DMXL2: variants seen among roughly 807,000 people sequenced by gnomAD.
DMXL2 encodes Dmx like 2, also known as dmX-like protein 2.
A neutral mutation model predicts 331.1 loss-of-function variants in DMXL2; 103 were observed. That is an observed-to-expected ratio of 0.31 (90% CI 0.27 to 0.37). The LOEUF is 0.37. DMXL2 is among the 10% of genes least tolerant of loss of function. The pLI is 1.00. For synonymous variants in DMXL2, 1,281 were observed against 1,252.1 expected (o/e 1.02, Z -0.49); for missense variants, 3,171 against 3,642.9 (o/e 0.87, Z 3.33).
chr15:51,481,688 A>G, intron 23 of DMXL2, 65 bp from the exon 24 acceptor site: 2 of 1,407,568 alleles, frequency 1.4e-6, no homozygotes, highest in South Asian at 3.1e-5. Flanking sequence ...TTACAAAACA[A>G]TAAAATACGT....
chr15:51,564,897 G>A, intron 4 of DMXL2, among the ~76,000 whole-genome samples, 191 bp downstream of exon 4: 1 of 151,432 alleles, frequency 6.6e-6, no homozygotes, highest in South Asian at 2.1e-4. Context: ...CAAAGGCAGG[G>A]GAAAAAACAG....
At chr15:51,465,006 T>C (rs2040448597) in intron 31 of DMXL2, 130 bp from the exon 32 acceptor site, 1 of 834,736 alleles carries the variant, frequency 1.2e-6, no homozygotes, top group African/African-American at 1.7e-5. Context: ...GTTAATGTAA[T>C]ACAGTTTAGA....
intron 25 of DMXL2, among the ~76,000 whole-genome samples, chr15:51,478,803 A>G (rs969857283): frequency 2.0e-5 from 3 of 152,310 alleles, no homozygotes; most frequent in Non-Finnish European, 4.4e-5. Flanking sequence ...CTTTTTAGTA[A>G]ATGTGTCAAT....
At chr15:51,564,398 T>C in intron 4 of DMXL2, 138 bp from the exon 5 acceptor site, 1 of 564,706 alleles carries the variant, frequency 1.8e-6, no homozygotes, top group East Asian at 3.6e-5. Context: ...ACACTTGGTA[T>C]ATATTTTTTT....
intron 17 of DMXL2, 44 bp from the exon 18 acceptor site, chr15:51,500,275 G>T: frequency 6.6e-7 from 1 of 1,511,096 alleles, no homozygotes; most frequent in Non-Finnish European, 8.9e-7. Flanking sequence ...TAATAATAAA[G>T]CCACAAAATA....
chr15:51,547,169 T>G, intron 7 of DMXL2, 61 bp downstream of exon 7: 1 of 1,416,032 alleles, frequency 7.1e-7, no homozygotes. Flanking sequence ...GGACTTTATT[T>G]TCATTATTTT....
intron 28 of DMXL2, among the ~76,000 whole-genome samples, chr15:51,473,055 T>A (rs1300671549): frequency 6.6e-6 from 1 of 152,204 alleles, no homozygotes; most frequent in Non-Finnish European, 1.5e-5. Flanking sequence ...CCAAACTCAA[T>A]TCTACCTCAG....
chr15:51,456,250 A>G (rs917085479), intron 38 of DMXL2, 57 bp from the exon 39 acceptor site: 13 of 1,600,210 alleles, frequency 8.1e-6, no homozygotes, highest in South Asian at 2.3e-5. Flanking sequence ...AATATTTTCT[A>G]TTCTATAAAT....
chr15:51,583,106 C>CTTTTTTTTT (rs57226377), intron 1 of DMXL2, among the ~76,000 whole-genome samples: 5 of 87,180 alleles, frequency 5.7e-5, no homozygotes, highest in African/African-American at 8.1e-5. Context: ...CTTCATTCTT[C>CTTTTTTTTT]TTTTTTTTTT....
At chr15:51,452,496 T>G (rs2039237899) in intron 41 of DMXL2, among the ~76,000 whole-genome samples, 1 of 151,968 alleles carries the variant, frequency 6.6e-6, no homozygotes, top group Admixed American at 6.6e-5. Context: ...GAAAAAATGC[T>G]CAAAACCACT....
intron 6 of DMXL2, among the ~76,000 whole-genome samples, chr15:51,553,800 A>G (rs1479539800): frequency 6.6e-6 from 1 of 151,780 alleles, no homozygotes; most frequent in Admixed American, 6.5e-5. Flanking sequence ...AAAAAAAAAA[A>G]AAGAGTAGAG....
At chr15:51,588,161 GT>G (rs200523115) in intron 1 of DMXL2, among the ~76,000 whole-genome samples, 65,917 of 141,254 alleles carry the variant, frequency 0.47, 15,213 homozygotes, top group Non-Finnish European at 0.52. Flanking sequence ...TTGTTTAGGG[GT>G]TTTTTTTTTT....
At chr15:51,454,277 C>T (rs992617756) in intron 40 of DMXL2, 1 of 152,214 alleles carries the variant, frequency 6.6e-6, no homozygotes, top group Non-Finnish European at 1.5e-5. Flanking sequence ...CTGAACCTCC[C>T]TCCATATATG....
chr15:51,613,349 A>T (rs1243606467), intron 1 of DMXL2, among the ~76,000 whole-genome samples: 1 of 152,234 alleles, frequency 6.6e-6, no homozygotes, highest in Non-Finnish European at 1.5e-5. Context: ...AATTTGGGGA[A>T]CTAATAAATG....
chr15:51,471,954 T>C (rs754921643), intron 28 of DMXL2, among the ~76,000 whole-genome samples: 4 of 152,188 alleles, frequency 2.6e-5, no homozygotes, highest in African/African-American at 4.8e-5. Context: ...TGGGAACTTA[T>C]GTTTTGGGCA....
Position 51,562,446 on chromosome 15 carries a change from C to G in DMXL2, c.567+935G>C, listed in dbSNP as rs139483073. ...AAGGAAGATAAATGATGCTAAGAAA[C>G]AGAAAATTTAACAAAGGAGAGAGGC... On this transcript the variant is annotated intron_variant, in intron 6 of 43. Coordinates refer to ENST00000560891, the MANE Select transcript of DMXL2 (RefSeq NM_001378457.1). Among the ~76,000 whole-genome samples, 5 of 152,130 alleles carry G rather than the reference C, an allele frequency of 3.3e-5. No individual in the cohort carries two copies. In the East Asian group the frequency reaches 9.6e-4, roughly 29 times the overall value.
intron 3 of DMXL2, 60 bp from the exon 4 acceptor site, chr15:51,565,226 C>T: frequency 9.7e-7 from 1 of 1,034,734 alleles, no homozygotes; most frequent in Non-Finnish European, 1.4e-6. Flanking sequence ...CAAATAATAT[C>T]CCAAAACACT....
At chr15:51,594,032 A>G (rs184286430) in intron 1 of DMXL2, among the ~76,000 whole-genome samples, 15 of 152,332 alleles carry the variant, frequency 9.8e-5, no homozygotes, top group Admixed American at 9.8e-4. Context: ...AAACACAGTC[A>G]AAAGCTAGCA....
rs1351902384 is a variant in DMXL2 at position 51,622,678 on chromosome 15, C to T, written c.-133G>A. ...GCCCCGCGGAGGCTCTGGCTTAACT[C>T]CTCGCCCCCCTTTCGCCTTCCCTCC... On this transcript the variant is annotated 5_prime_UTR_variant, in exon 1 of 44. Transcript: ENST00000560891. The T allele has an allele frequency of 4.9e-6, 7 of 1,420,944 alleles. No individual in the cohort carries two copies. Among genetic ancestry groups the T allele is most frequent in the Middle Eastern group, 2.5e-4 (1 of 3,958 alleles). 88.0% of individuals were successfully genotyped at this position (1,420,944 alleles called of 1,614,324 possible). A position where few individuals can be genotyped will look rare whatever the true frequency, so the allele number is the denominator to read the frequency against.
Sources: gnomAD v4.1 joint callset for allele counts (sites outside exome capture counted in the v4.1 genomes callset) on GRCh38, gnomAD v4.1.1 for gene constraint, MANE v1.5 for transcripts, NCBI Gene and HGNC (gene_info 2026-07-23, HGNC 2026-07-21) for gene names.